Variants in SMG6 observed in about 807,000 individuals in gnomAD.
SMG6 encodes SMG6 nonsense mediated mRNA decay factor, also known as telomerase-binding protein EST1A.
A neutral mutation model predicts 142.2 loss-of-function variants in SMG6; 66 were observed. That is an observed-to-expected ratio of 0.46 (90% CI 0.38 to 0.57). The LOEUF (loss-of-function observed/expected upper bound fraction) is 0.57, where lower values mean the gene tolerates loss of function less well. Among genes scored for constraint, SMG6 ranks in the 20% least tolerant of loss-of-function variants. SMG6 has a pLI of 0.00. For synonymous variants in SMG6, 779 were observed against 702.4 expected, an observed-to-expected ratio of 1.11 and a Z score of -1.72; for missense variants, 1,793 against 1,832.0, an observed-to-expected ratio of 0.98 and a Z score of 0.39.
chr17:2,220,338 T>C (rs1260300924), intron 10 of SMG6, among the ~76,000 whole-genome samples: 1 of 152,146 alleles, frequency 6.6e-6, no homozygotes, highest in African/African-American at 2.4e-5. Context: ...AAAGTTAACA[T>C]ATTCATGTGA....
chr17:2,133,684 C>T lies in SMG6; in HGVS notation c.3357+38974G>A, dbSNP rs757761025. On this transcript the variant is annotated intron_variant, in intron 13 of 18. Transcript: ENST00000263073. ...TCTAGAGTAGCTAGGATTACAGGTA[C>T]GTGCTAACACATGTGGCTAATAGCT... 1.4e-4 allele frequency among the ~76,000 whole-genome samples: 22 copies of T among 152,262 alleles called. No individual in the cohort carries two copies. In the South Asian group the frequency reaches 2.7e-3, roughly 19 times the overall value.
At chr17:2,231,219 C>G (rs1008399178) in intron 10 of SMG6, among the ~76,000 whole-genome samples, 1 of 152,108 alleles carries the variant, frequency 6.6e-6, no homozygotes, top group South Asian at 2.1e-4. Flanking sequence ...ACTTCGGTTG[C>G]GAACCAAACT....
intron 10 of SMG6, among the ~76,000 whole-genome samples, chr17:2,234,861 C>A (rs1400259998): frequency 3.3e-5 from 5 of 152,208 alleles, no homozygotes; most frequent in African/African-American, 1.2e-4. Flanking sequence ...TGCCCACCAC[C>A]AAGCACAGCT....
At chr17:2,297,112 A>C in intron 4 of SMG6, 131 bp downstream of exon 4, 2 of 557,928 alleles carry the variant, frequency 3.6e-6, no homozygotes, top group Non-Finnish European at 3.1e-6. Flanking sequence ...GGTTTAATCT[A>C]TCTGTCCCTG....
At chr17:2,277,659 T>G (rs1302181644) in intron 8 of SMG6, among the ~76,000 whole-genome samples, 1 of 152,228 alleles carries the variant, frequency 6.6e-6, no homozygotes, top group African/African-American at 2.4e-5. Context: ...ATGTATATAT[T>G]GCATTATAGC....
chr17:2,200,432 A>G (rs539859399), intron 10 of SMG6, among the ~76,000 whole-genome samples: 1 of 151,896 alleles, frequency 6.6e-6, no homozygotes, highest in East Asian at 1.9e-4. Flanking sequence ...ATATGTATAC[A>G]TGTGCCATGT....
chr17:2,097,036 A>AT (rs2068874514), intron 13 of SMG6, among the ~76,000 whole-genome samples: 1 of 152,220 alleles, frequency 6.6e-6, no homozygotes, highest in South Asian at 2.1e-4. Flanking sequence ...CCTCCTCTAA[A>AT]TACCCCTCAG....
At position 2,100,037 on chromosome 17, in the gene SMG6, C is replaced by CTTTT. The variant is rs150310662; in HGVS notation, c.3358-14140_3358-14137dup. Among the ~76,000 whole-genome samples the CTTTT allele has an allele frequency of 2.2e-5, 3 of 134,870 alleles. 1 individual carries two copies. The highest frequency in any genetic ancestry group is 8.2e-5 in the African/African-American group (3 of 36,474). 88.5% of individuals were successfully genotyped at this position (134,870 alleles called of 152,430 possible). On this transcript the variant is annotated intron_variant, in intron 13 of 18. Coordinates refer to ENST00000263073, the MANE Select transcript of SMG6 (RefSeq NM_017575.5). The stretch of plus-strand genomic sequence containing the variant: ...GCCACCATGCCCAGGTAATTTTTAT[C>CTTTT]TTTTTTTTTTTTTTTTTCGAGACAG...
intron 13 of SMG6, among the ~76,000 whole-genome samples, chr17:2,136,038 CTGTG>C (rs2070291829): frequency 1.1e-5 from 1 of 92,970 alleles, no homozygotes; most frequent in Admixed American, 1.1e-4. Context: ...GTGTGTGTGT[CTGTG>C]TGTGTATATA....
intron 6 of SMG6, among the ~76,000 whole-genome samples, chr17:2,291,522 A>G (rs1414345259): frequency 6.6e-6 from 1 of 152,172 alleles, no homozygotes; most frequent in Non-Finnish European, 1.5e-5. Context: ...ACGGAGAATG[A>G]GACAGAGGCA....
At chr17:2,179,467 C>T (rs191570756) in intron 12 of SMG6, among the ~76,000 whole-genome samples, 283 of 152,286 alleles carry the variant, frequency 1.9e-3, no homozygotes, top group Non-Finnish European at 3.4e-3. Context: ...CTACGTATCC[C>T]TCTTTCTCCC....
chr17:2,130,955 A>C (rs971928086), intron 13 of SMG6, among the ~76,000 whole-genome samples: 2 of 152,166 alleles, frequency 1.3e-5, no homozygotes, highest in Non-Finnish European at 2.9e-5. Flanking sequence ...GTGAGCCGAG[A>C]TCACGCCACT....
At chr17:2,132,494 C>A (rs1221948799) in intron 13 of SMG6, among the ~76,000 whole-genome samples, 3 of 152,078 alleles carry the variant, frequency 2.0e-5, no homozygotes. Flanking sequence ...GGTGCTCTTA[C>A]CTGCTACAAC....
At chr17:2,161,229 C>G (rs950746484) in intron 13 of SMG6, among the ~76,000 whole-genome samples, 5 of 151,386 alleles carry the variant, frequency 3.3e-5, no homozygotes, top group Non-Finnish European at 2.9e-5. Flanking sequence ...CTCAGCCTCC[C>G]GAGTAGCTGG....
rs559570195 is a variant in SMG6 at position 2,060,449 on chromosome 17, C to T, written c.*1043G>A. On this transcript the variant is annotated 3_prime_UTR_variant, in exon 19 of 19. Coordinates refer to ENST00000263073, the MANE Select transcript of SMG6 (RefSeq NM_017575.5). Reference sequence around the variant, plus strand: ...TGGAAGTTTCTCCCAGCACAGGAGCCGAGGGTGGAAGGCCCTGGGTGGGAG... The same window carrying T: ...TGGAAGTTTCTCCCAGCACAGGAGCTGAGGGTGGAAGGCCCTGGGTGGGAG... 5.9e-5 allele frequency: 9 copies of T among 152,362 alleles called. No individual in the cohort carries two copies. The highest frequency in any genetic ancestry group is 2.1e-4 in the South Asian group (1 of 4,828). The allele number at this position is 152,362 out of a possible 1,614,324, so 9.4% of individuals were successfully genotyped here. A position where few individuals can be genotyped will look rare whatever the true frequency, so the allele number is the denominator to read the frequency against.
intron 12 of SMG6, chr17:2,173,155 C>G (rs1464270104): frequency 2.5e-6 from 1 of 396,136 alleles, no homozygotes; most frequent in Non-Finnish European, 4.7e-6. Context: ...TGTCATCTTT[C>G]CAGACAGTGT....
intron 9 of SMG6, among the ~76,000 whole-genome samples, chr17:2,242,578 C>T (rs1411439954): frequency 1.3e-5 from 2 of 149,248 alleles, no homozygotes; most frequent in Non-Finnish European, 3.0e-5. Flanking sequence ...GCATGCAGTC[C>T]CAGTGACACG....
At chr17:2,294,882 T>G (rs548703645) in intron 4 of SMG6, among the ~76,000 whole-genome samples, 4 of 149,366 alleles carry the variant, frequency 2.7e-5, no homozygotes, top group African/African-American at 7.3e-5. Context: ...ATAAACACTT[T>G]TTTTTTTTTT....
rs543419575 is a variant in SMG6, at chr17:2,136,837, G to GA, written c.3357+35820dup. Among the ~76,000 whole-genome samples the GA allele has an allele frequency of 2.1e-4, 32 of 150,008 alleles. No homozygotes were observed. In the East Asian group the frequency reaches 5.9e-3, roughly 28 times the overall value. ...GTTCTTTTTATTAAATAAAACACAA[G>GA]AAAAAACAGGCATGTTCTGCTCCTG... On this transcript the variant is annotated intron_variant, in intron 13 of 18. Coordinates refer to ENST00000263073, the MANE Select transcript of SMG6 (RefSeq NM_017575.5).
Sources: gnomAD v4.1 joint callset for allele counts (sites outside exome capture counted in the v4.1 genomes callset) on GRCh38, gnomAD v4.1.1 for gene constraint, MANE v1.5 for transcripts, NCBI Gene and HGNC (gene_info 2026-07-23, HGNC 2026-07-21) for gene names.